The following DDX19B variants were observed in gnomAD, a reference collection of about 807,000 sequenced individuals.
DDX19B encodes DEAD-box helicase 19B.
In DDX19B, 27 loss-of-function variants were observed where a neutral mutation model predicts 58.1. The ratio of observed to expected loss-of-function variants is 0.46; its 90% confidence interval spans 0.34 to 0.64. The LOEUF (loss-of-function observed/expected upper bound fraction) is 0.64. DDX19B is among the 30% of genes least tolerant of loss of function. DDX19B has a pLI of 0.01. For synonymous variants in DDX19B, 187 were observed against 214.4 expected (o/e 0.87, Z 1.12); for missense variants, 399 against 596.5 (o/e 0.67, Z 3.45).
chr16:70,327,299 C>T (rs1963213464), intron 7 of DDX19B, among the ~76,000 whole-genome samples: 1 of 151,758 alleles, frequency 6.6e-6, no homozygotes, highest in Non-Finnish European at 1.5e-5. Flanking sequence ...CTTTAGCAGG[C>T]CGAGGTGGGT....
chr16:70,316,278 C>T (rs995888107), intron 4 of DDX19B, 174 bp downstream of exon 4: 21 of 831,160 alleles, frequency 2.5e-5, no homozygotes, highest in East Asian at 8.6e-5. Flanking sequence ...AGCGCGATCT[C>T]GGCTCACTGC....
upstream of DDX19B, among the ~76,000 whole-genome samples, chr16:70,297,470 C>T (rs1439653956): frequency 6.6e-6 from 1 of 152,172 alleles, no homozygotes; most frequent in East Asian, 1.9e-4. Context: ...ACCTTGGCCT[C>T]CCAAAGTGCT....
chr16:70,294,625 A>G (rs1961154445), upstream of DDX19B, among the ~76,000 whole-genome samples: 1 of 152,192 alleles, frequency 6.6e-6, no homozygotes, highest in Non-Finnish European at 1.5e-5. Context: ...TGGAGTTCCC[A>G]GTCTCACCAG....
rs1963355422 is a variant in DDX19B at position 70,329,353 on chromosome 16, C to T, written c.669C>T (p.Asp223=). 1.2e-6 allele frequency: 2 copies of T among 1,613,906 alleles called. No individual in the cohort carries two copies. The highest frequency in any genetic ancestry group is 3.3e-5 in the Admixed American group (2 of 59,966). ...IVIGTPGTVL[D]WCSKLKFIDP... Reference sequence around the variant, plus strand: ...TTGGCACCCCTGGGACTGTGCTGGACTGGTGCTCCAAGCTCAAGTTCATTG... The same window carrying T: ...TTGGCACCCCTGGGACTGTGCTGGATTGGTGCTCCAAGCTCAAGTTCATTG... Residue 223 remains aspartate (D), a synonymous_variant, in exon 8 of 12, where the codon GAC becomes GAT. Coordinates refer to ENST00000288071, the MANE Select transcript of DDX19B (RefSeq NM_007242.7).
At chr16:70,329,646 G>A (rs1271795648) in intron 8 of DDX19B, among the ~76,000 whole-genome samples, 177 bp downstream of exon 8, 1 of 152,100 alleles carries the variant, frequency 6.6e-6, no homozygotes, top group Admixed American at 6.6e-5. Flanking sequence ...AGCCTGGGTT[G>A]AGAAAGGAGA....
upstream of DDX19B, among the ~76,000 whole-genome samples, chr16:70,297,867 T>C (rs1400377645): frequency 1.3e-5 from 2 of 152,194 alleles, no homozygotes; most frequent in African/African-American, 4.8e-5. Context: ...ACTGCAGGCA[T>C]GTGCGACGAC....
rs74024201 is a variant in DDX19B at position 70,330,116 on chromosome 16, C to G, written c.1023+48C>G. ...GGCCTGGCCCTTCCCTCTCAGCCAG[C>G]TCCCCACAGGGCTCAGGAGGACTGG... On this transcript the variant is annotated intron_variant, in intron 9 of 11. Transcript: ENST00000288071. The G allele has an allele frequency of 4.1e-3, 6,643 of 1,606,252 alleles. 270 individuals are homozygous for G. The African/African-American group carries it at 0.078, about 19-fold the overall frequency.
intron 7 of DDX19B, among the ~76,000 whole-genome samples, chr16:70,326,801 G>A (rs1963171978): frequency 6.6e-6 from 1 of 151,796 alleles, no homozygotes; most frequent in South Asian, 2.1e-4. Flanking sequence ...CTCCCAAAGT[G>A]CTGAGATTAT....
intron 5 of DDX19B, among the ~76,000 whole-genome samples, chr16:70,322,588 CAAAA>C (rs568610716): frequency 1.1e-4 from 5 of 47,506 alleles, no homozygotes; most frequent in African/African-American, 3.6e-4. Flanking sequence ...GACCTTGTCT[CAAAA>C]AAAAAAAAAA....
At chr16:70,313,830 C>T (rs1032022434) in intron 2 of DDX19B, among the ~76,000 whole-genome samples, 8 of 151,866 alleles carry the variant, frequency 5.3e-5, no homozygotes, top group Admixed American at 1.3e-4. Flanking sequence ...ATTTATAGGC[C>T]GGGTGTGGTG....
chr16:70,304,668 T>C (rs1325838296), intron 1 of DDX19B, among the ~76,000 whole-genome samples: 1 of 152,266 alleles, frequency 6.6e-6, no homozygotes. Flanking sequence ...CCACCACTCC[T>C]GGCCAGAGCT....
At chr16:70,315,220 CA>C (rs765908935) in intron 3 of DDX19B, among the ~76,000 whole-genome samples, 12,152 of 95,168 alleles carry the variant, frequency 0.13, 1,564 homozygotes, top group African/African-American at 0.36. Flanking sequence ...ACTAAAAATA[CA>C]AAAAAAAAAA....
intron 4 of DDX19B, among the ~76,000 whole-genome samples, chr16:70,316,934 C>T (rs1176706703): frequency 2.6e-5 from 4 of 151,850 alleles, no homozygotes; most frequent in South Asian, 2.1e-4. Flanking sequence ...AGTCCAGGCA[C>T]GGTGGCTCAC....
chr16:70,329,151 C>G, intron 7 of DDX19B, 141 bp from the exon 8 acceptor site: 1 of 1,111,162 alleles, frequency 9.0e-7, no homozygotes, highest in Non-Finnish European at 1.3e-6. Context: ...TGAACCTGGG[C>G]GGCAGAGGTT....
At chr16:70,320,054 T>C (rs947496677) in intron 5 of DDX19B, among the ~76,000 whole-genome samples, 3 of 152,170 alleles carry the variant, frequency 2.0e-5, no homozygotes, top group Non-Finnish European at 2.9e-5. Context: ...ATTTATTACA[T>C]GGTTTCATAC....
At chr16:70,293,443 G>A (rs1354712176), upstream of DDX19B, among the ~76,000 whole-genome samples, 1 of 149,866 alleles carries the variant, frequency 6.7e-6, no homozygotes, top group Non-Finnish European at 1.5e-5. Context: ...GAAAGAAATG[G>A]AAACAAGTGG....
intron 7 of DDX19B, among the ~76,000 whole-genome samples, chr16:70,326,992 G>A (rs1182427807): frequency 4.6e-5 from 7 of 151,640 alleles, no homozygotes; most frequent in African/African-American, 7.3e-5. Flanking sequence ...CCACCACTAC[G>A]CCCAGCTAAT....
chr16:70,326,436 C>T (rs1296467653), intron 7 of DDX19B, among the ~76,000 whole-genome samples: 1 of 152,240 alleles, frequency 6.6e-6, no homozygotes, highest in Non-Finnish European at 1.5e-5. Flanking sequence ...GAAATAGCGC[C>T]ACTGCACTCG....
At chr16:70,324,085 G>C (rs1351061856) in intron 5 of DDX19B, among the ~76,000 whole-genome samples, 2 of 152,068 alleles carry the variant, frequency 1.3e-5, no homozygotes, top group African/African-American at 2.4e-5. Flanking sequence ...AGGTGTAATG[G>C]GGAGCAGATC....
Sources: gnomAD v4.1 joint callset for allele counts (sites outside exome capture counted in the v4.1 genomes callset) on GRCh38, gnomAD v4.1.1 for gene constraint, MANE v1.5 for transcripts, NCBI Gene and HGNC (gene_info 2026-07-23, HGNC 2026-07-21) for gene names.